The following TRIO variants were observed in gnomAD, a reference collection of about 807,000 sequenced individuals.
The protein encoded by TRIO is triple functional domain protein.
TRIO carries 58 observed loss-of-function variants against 351.9 expected under a neutral mutation model. The ratio of observed to expected loss-of-function variants is 0.16; its 90% CI spans 0.13 to 0.21. The LOEUF (loss-of-function observed/expected upper bound fraction) is 0.21, where lower values mean the gene tolerates loss of function less well. TRIO is among the 10% of genes least tolerant of loss of function. TRIO has a pLI of 1.00. For missense variants in TRIO, 3,201 were observed against 4,027.8 expected, an observed-to-expected ratio of 0.79 and a Z score of 5.56; for synonymous variants, 1,758 against 1,595.7, an observed-to-expected ratio of 1.10 and a Z score of -2.42.
chr5:14,307,704 C>G (rs542397029), intron 8 of TRIO, among the ~76,000 whole-genome samples: 1 of 152,332 alleles, frequency 6.6e-6, no homozygotes, highest in African/African-American at 2.4e-5. Context: ...GGCAGCTACT[C>G]TAATAGAATA....
chr5:14,184,102 T>C (rs354299), intron 1 of TRIO: 484,750 of 575,904 alleles, frequency 0.84, 205,242 homozygotes, highest in East Asian at 0.99. Flanking sequence ...ACAGAGAATG[T>C]TGTGTGTTTG....
chr5:14,476,881 C>G lies in TRIO; in HGVS notation c.6084-13C>G, dbSNP rs200617691. 1.4e-3 allele frequency: 2,275 copies of G among 1,609,786 alleles called. 4 individuals carry two copies. Among genetic ancestry groups the G allele is most frequent in the Non-Finnish European group, 1.7e-3 (2,033 of 1,177,046 alleles). ...ACTGGAAATAGTTCTAATATTTTCTCCTTTCTTTCCAGCTTTTTTTTAGGA... is the reference window on the plus strand; with the variant it reads ...ACTGGAAATAGTTCTAATATTTTCTGCTTTCTTTCCAGCTTTTTTTTAGGA... On this transcript the variant is annotated splice_polypyrimidine_tract_variant and intron_variant, in intron 40 of 56. Coordinates refer to ENST00000344204, the MANE Select transcript of TRIO (RefSeq NM_007118.4).
intron 11 of TRIO, among the ~76,000 whole-genome samples, chr5:14,340,551 G>A (rs984128746): frequency 6.6e-6 from 1 of 152,186 alleles, no homozygotes. Context: ...TTTATCTGGA[G>A]TATAGTTGTC....
chr5:14,492,792 G>C lies in TRIO; in HGVS notation c.7858G>C (p.Glu2620Gln), dbSNP rs746908833. The C allele has an allele frequency of 1.4e-5, 22 of 1,613,916 alleles. No individual in the cohort carries two copies. Among genetic ancestry groups the C allele is most frequent in the Non-Finnish European group, 1.7e-5 (20 of 1,180,012 alleles). The change falls in exon 49 of 57, where the codon GAG (glutamate) becomes CAG (glutamine). Residue 2620 changes from glutamate to glutamine, a missense_variant. By Grantham distance (29) the Glu-to-Gln change is conservative. Transcript: ENST00000344204. ...VLGHTSAVIV[E>Q]NPDGTLKKST... ...GGGCCACACCAGTGCAGTCATCGTG[G>C]AGAACCCGGACGGGACTCTCAAGTG...
Position 14,509,250 on chromosome 5 carries a change from G to A in TRIO, c.*828G>A. On this transcript the variant is annotated 3_prime_UTR_variant, in exon 57 of 57. Coordinates refer to ENST00000344204, the MANE Select transcript of TRIO (RefSeq NM_007118.4). ...TAAATGCACTCATTGGGGGTTTTTT[G>A]GTTTTACTTCATATCATGTGCAATG... 1 of 351,196 alleles carries A rather than the reference G, an allele frequency of 2.8e-6. No individual in the cohort carries two copies. 21.8% of individuals were successfully genotyped at this position (351,196 alleles called of 1,614,324 possible). A position where few individuals can be genotyped will look rare whatever the true frequency, so the allele number is the denominator to read the frequency against.
At chr5:14,365,010 G>T (rs1056966126) in intron 15 of TRIO, among the ~76,000 whole-genome samples, 194 bp downstream of exon 15, 29 of 152,202 alleles carry the variant, frequency 1.9e-4, no homozygotes, top group Non-Finnish European at 4.0e-4. Flanking sequence ...TGTGTGAAAA[G>T]GGAGCCAGTG....
At chr5:14,361,570 C>T (rs528726089) in intron 13 of TRIO, among the ~76,000 whole-genome samples, 1 of 152,354 alleles carries the variant, frequency 6.6e-6, no homozygotes, top group East Asian at 1.9e-4. Flanking sequence ...CATCTGACGG[C>T]CCATAGGAGT....
intron 10 of TRIO, among the ~76,000 whole-genome samples, chr5:14,334,838 AG>A (rs1263844265): frequency 2.0e-5 from 3 of 152,208 alleles, no homozygotes; most frequent in Non-Finnish European, 2.9e-5. Flanking sequence ...TGTAGGCAAG[AG>A]TGCAGGCAGA....
At position 14,358,159 on chromosome 5, in the gene TRIO, C is replaced by A; in HGVS notation, c.2047-19C>A. On this transcript the variant is annotated intron_variant, in intron 11 of 56. Transcript: ENST00000344204. ...TGCAGCCAGGCCGGCCGGCCTCACC[C>A]CCCTCTCCCCTTCCCCAGCTGTGGA... 3 of 1,606,578 alleles carry A rather than the reference C, an allele frequency of 1.9e-6. No individual in the cohort carries two copies. Among genetic ancestry groups the A allele is most frequent in the Non-Finnish European group, 2.6e-6 (3 of 1,174,692 alleles).
At position 14,173,190 on chromosome 5, in the gene TRIO, CTTTTTTTTTT is replaced by C. The variant is rs758636385; in HGVS notation, c.157+29324_157+29333del. Among the ~76,000 whole-genome samples the C allele has an allele frequency of 3.4e-3, 224 of 66,504 alleles. 1 individual carries two copies. The highest frequency in any genetic ancestry group is 0.02 in the Middle Eastern group (2 of 102). 43.6% of individuals were successfully genotyped at this position (66,504 alleles called of 152,430 possible). ...TCTCAGATGCTCACATTGTATGTTC[CTTTTTTTTTT>C]TTTTTTTTTTTTTTTGGCGGGAGGG... On this transcript the variant is annotated intron_variant, in intron 1 of 56. Transcript: ENST00000344204.
chr5:14,489,698 A>G (rs551682098), intron 48 of TRIO, among the ~76,000 whole-genome samples: 33 of 152,362 alleles, frequency 2.2e-4, no homozygotes, highest in Non-Finnish European at 4.1e-4. Flanking sequence ...AGCCAATGCC[A>G]GTCTTCTCTG....
chr5:14,327,053 G>C (rs1740451673), intron 9 of TRIO, among the ~76,000 whole-genome samples: 1 of 152,202 alleles, frequency 6.6e-6, no homozygotes, highest in Admixed American at 6.5e-5. Context: ...AGGAATCACT[G>C]TTAAAAGAAA....
intron 9 of TRIO, among the ~76,000 whole-genome samples, chr5:14,322,228 T>G (rs1010635170): frequency 5.9e-5 from 9 of 152,248 alleles, no homozygotes; most frequent in Non-Finnish European, 1.2e-4. Context: ...CCAATTTTGC[T>G]AATTAAAGAT....
chr5:14,259,176 C>G (rs1307700840), intron 1 of TRIO, among the ~76,000 whole-genome samples: 5 of 152,234 alleles, frequency 3.3e-5, no homozygotes, highest in African/African-American at 4.8e-5. Flanking sequence ...TTCTGTTGAT[C>G]AGTGAATGTG....
At position 14,381,698 on chromosome 5, in the gene TRIO, C is replaced by T. The variant is rs139602830; in HGVS notation, c.3570+446C>T. 1.2e-3 allele frequency among the ~76,000 whole-genome samples: 180 copies of T among 152,280 alleles called. 1 individual carries two copies. Among genetic ancestry groups the T allele is most frequent in the African/African-American group, 4.0e-3 (168 of 41,566 alleles). On this transcript the variant is annotated intron_variant, in intron 21 of 56. Transcript: ENST00000344204. ...AAAACTGTTACAGTCGTGTTGCTCA[C>T]GCTCAGTTTAGTCTGCAGTTGTCTG...
chr5:14,385,172 G>A (rs1406257274), intron 21 of TRIO, among the ~76,000 whole-genome samples: 1 of 152,154 alleles, frequency 6.6e-6, no homozygotes, highest in Non-Finnish European at 1.5e-5. Flanking sequence ...GCATCTTCCT[G>A]CCCCCTCGCA....
chr5:14,473,875 G>T, intron 39 of TRIO, 119 bp from the exon 40 acceptor site: 2 of 881,990 alleles, frequency 2.3e-6, no homozygotes, highest in South Asian at 4.3e-5. Flanking sequence ...TTTAGACAAA[G>T]AACTGGTTAC....
At chr5:14,459,830 A>G (rs969071096) in intron 34 of TRIO, among the ~76,000 whole-genome samples, 18 of 152,310 alleles carry the variant, frequency 1.2e-4, no homozygotes, top group South Asian at 2.1e-4. Context: ...TTGAGATCCA[A>G]TGAGAAGCTG....
chr5:14,490,234 G>A (rs1398958009), intron 48 of TRIO, among the ~76,000 whole-genome samples: 1 of 152,200 alleles, frequency 6.6e-6, no homozygotes, highest in Non-Finnish European at 1.5e-5. Context: ...AGCCGAGATC[G>A]TGCCATTGCA....
Sources: gnomAD v4.1 joint callset for allele counts (sites outside exome capture counted in the v4.1 genomes callset) on GRCh38, gnomAD v4.1.1 for gene constraint, MANE v1.5 for transcripts, NCBI Gene and HGNC (gene_info 2026-07-23, HGNC 2026-07-21) for gene names.